The following CDIN1 variants were observed in gnomAD, a reference collection of about 807,000 sequenced individuals.
CDIN1 encodes CDAN1-interacting nuclease 1.
Under a neutral mutation model 45.3 loss-of-function variants are expected in CDIN1, and 33 were observed. The ratio of observed to expected loss-of-function variants is 0.73; its 90% confidence interval spans 0.55 to 0.97. The LOEUF (loss-of-function observed/expected upper bound fraction) is 0.97, where lower values mean the gene tolerates loss of function less well. CDIN1 is among the 50% of genes least tolerant of loss of function. The probability of loss-of-function intolerance (pLI) is 0.00; values close to 1 mark genes in which losing one functional copy is unlikely to be tolerated. For missense variants in CDIN1, 303 were observed against 339.4 expected (o/e 0.89, Z 0.84); for synonymous variants, 118 against 124.4 (o/e 0.95, Z 0.34).
intron 5 of CDIN1, chr15:36,691,371 AT>A (rs370420605): frequency 0.11 from 28,227 of 249,594 alleles, 4 homozygotes; most frequent in South Asian, 0.19. Context: ...ATATTTTCTG[AT>A]TTTTTTTTTT....
At chr15:36,592,820 T>C (rs67126445) in intron 1 of CDIN1, among the ~76,000 whole-genome samples, 29,800 of 152,084 alleles carry the variant, frequency 0.2, 3,484 homozygotes, top group Admixed American at 0.33. Context: ...TTAAAATTGA[T>C]TAATTAGCTA....
chr15:36,777,563 C>T (rs2054251953), intron 10 of CDIN1, among the ~76,000 whole-genome samples: 1 of 152,132 alleles, frequency 6.6e-6, no homozygotes, highest in Non-Finnish European at 1.5e-5. Flanking sequence ...TTTATTGAGC[C>T]CCTACTGTAC....
intron 10 of CDIN1, chr15:36,799,334 T>TGAGAA (rs2141119882): frequency 6.6e-6 from 1 of 152,368 alleles, no homozygotes; most frequent in East Asian, 1.9e-4. Context: ...TCTTCCCATT[T>TGAGAA]GAGAAGGTGT....
intron 5 of CDIN1, among the ~76,000 whole-genome samples, chr15:36,688,399 C>A (rs955199520): frequency 6.6e-6 from 1 of 152,136 alleles, no homozygotes; most frequent in Non-Finnish European, 1.5e-5. Flanking sequence ...ACAAAAAGTT[C>A]ATAATCTTAG....
At chr15:36,746,271 A>C (rs2044426053) in intron 10 of CDIN1, among the ~76,000 whole-genome samples, 1 of 152,050 alleles carries the variant, frequency 6.6e-6, no homozygotes, top group Non-Finnish European at 1.5e-5. Context: ...TGTATTGGGG[A>C]GTGGAAATAG....
intron 5 of CDIN1, among the ~76,000 whole-genome samples, chr15:36,670,904 GA>G (rs930296824): frequency 4.7e-5 from 7 of 148,278 alleles, no homozygotes; most frequent in African/African-American, 4.9e-5. Context: ...TTTACATGAG[GA>G]AAAAAAAACA....
chr15:36,723,033 A>C (rs2043490528), intron 10 of CDIN1, among the ~76,000 whole-genome samples: 1 of 145,936 alleles, frequency 6.9e-6, no homozygotes, highest in African/African-American at 2.5e-5. Flanking sequence ...GATCTGTGTG[A>C]ATTCTATTCT....
chr15:36,693,775 T>A lies in CDIN1; in HGVS notation c.476+1600T>A, dbSNP rs78258450. 6.2e-3 allele frequency among the ~76,000 whole-genome samples: 947 copies of A among 152,324 alleles called. 10 individuals carry two copies. Among genetic ancestry groups the A allele is most frequent in the African/African-American group, 0.021 (888 of 41,580 alleles). The stretch of plus-strand genomic sequence containing the variant: ...GGCTTGTGAGGTTATTTACAAGTTT[T>A]GCCCATGGTCACTGCCATACATCAA... On this transcript the variant is annotated intron_variant, in intron 7 of 10. Coordinates refer to ENST00000566621, the MANE Select transcript of CDIN1 (RefSeq NM_001321759.2).
chr15:36,616,637 G>A (rs2038904964), intron 1 of CDIN1, among the ~76,000 whole-genome samples: 1 of 152,150 alleles, frequency 6.6e-6, no homozygotes, highest in Non-Finnish European at 1.5e-5. Flanking sequence ...ATGCAAGGCT[G>A]GGTGCAGTGG....
At chr15:36,631,956 A>AC (rs2039697289) in intron 1 of CDIN1, among the ~76,000 whole-genome samples, 1 of 152,022 alleles carries the variant, frequency 6.6e-6, no homozygotes, top group South Asian at 2.1e-4. Flanking sequence ...TCAGCCTCCC[A>AC]ATTAGCTGGG....
At chr15:36,592,162 A>G (rs990031127) in intron 1 of CDIN1, among the ~76,000 whole-genome samples, 3 of 152,204 alleles carry the variant, frequency 2.0e-5, no homozygotes, top group Non-Finnish European at 4.4e-5. Flanking sequence ...GTGTGGGCCA[A>G]CATTTTCCTG....
intron 5 of CDIN1, among the ~76,000 whole-genome samples, chr15:36,674,757 T>C (rs1390683167): frequency 6.6e-6 from 1 of 152,112 alleles, no homozygotes; most frequent in Non-Finnish European, 1.5e-5. Context: ...ATATGTCTCT[T>C]GGCTTCATAA....
rs931501140 is a variant in CDIN1 at position 36,692,243 on chromosome 15, T to A, written c.476+68T>A. On this transcript the variant is annotated intron_variant, in intron 7 of 10. Coordinates refer to ENST00000566621, the MANE Select transcript of CDIN1 (RefSeq NM_001321759.2). ...TAGACTCAGTGGAGATGTGTCTAGC[T>A]TTAACCTGACATAAAGTTCTGCTTC... The A allele has an allele frequency of 5.6e-6, 8 of 1,431,264 alleles. No individual in the cohort carries two copies. The Admixed American group carries it at 7.9e-5, about 14-fold the overall frequency. The allele number at this position is 1,431,264 out of a possible 1,614,324, so 88.7% of individuals were successfully genotyped here.
chr15:36,638,520 A>T (rs952037698), intron 1 of CDIN1, among the ~76,000 whole-genome samples: 1 of 152,354 alleles, frequency 6.6e-6, no homozygotes, highest in East Asian at 1.9e-4. Context: ...CAGAAGACAT[A>T]TGCAATCAGA....
At chr15:36,645,471 G>T (rs1054142671) in intron 3 of CDIN1, among the ~76,000 whole-genome samples, 184 bp downstream of exon 3, 1 of 150,500 alleles carries the variant, frequency 6.6e-6, no homozygotes, top group African/African-American at 2.4e-5. Context: ...TAGATCTAAA[G>T]AGTATGGTAA....
chr15:36,598,436 C>A (rs1434391414), intron 1 of CDIN1, among the ~76,000 whole-genome samples: 7 of 152,208 alleles, frequency 4.6e-5, no homozygotes, highest in African/African-American at 1.7e-4. Flanking sequence ...TAATCGTTCT[C>A]CCAGACATGA....
chr15:36,657,162 C>G (rs1304816500), intron 4 of CDIN1, among the ~76,000 whole-genome samples: 1 of 152,016 alleles, frequency 6.6e-6, no homozygotes, highest in Non-Finnish European at 1.5e-5. Context: ...AGTTACCACC[C>G]TGGGATCTGT....
rs140644576 is a variant in CDIN1 at position 36,808,806 on chromosome 15, A to G, written c.*353A>G. On this transcript the variant is annotated 3_prime_UTR_variant, in exon 11 of 11. Transcript: ENST00000566621. ...GAAGACTGAAAGGTGTGATTTTTCA[A>G]TTCTCCTCCCAGTTACCGAATCACC... is the stretch of plus-strand genomic sequence containing the variant. The G allele has an allele frequency of 3.0e-5, 14 of 459,548 alleles. No homozygotes were observed. In the East Asian group the frequency reaches 8.0e-4, roughly 26 times the overall value. 28.5% of individuals were successfully genotyped at this position (459,548 alleles called of 1,614,324 possible).
chr15:36,618,106 C>A, intron 1 of CDIN1: 1 of 736,652 alleles, frequency 1.4e-6, no homozygotes, highest in Non-Finnish European at 2.5e-6. Flanking sequence ...CACCACTGGC[C>A]CGCTTTCCCA....
Sources: allele counts gnomAD v4.1 joint callset (sites outside exome capture counted in the v4.1 genomes callset), GRCh38; gene constraint gnomAD v4.1.1; transcripts MANE v1.5; gene names NCBI Gene and HGNC (gene_info 2026-07-23, HGNC 2026-07-21).